Variants in VPS13B observed in about 807,000 individuals in gnomAD.
VPS13B encodes the protein vacuolar protein sorting 13 homolog B.
In VPS13B, 285 loss-of-function variants were observed where a neutral mutation model predicts 426.4. The observed-to-expected ratio is 0.67, with a 90% CI of 0.61 to 0.74. The LOEUF (loss-of-function observed/expected upper bound fraction) is 0.74, where lower values mean the gene tolerates loss of function less well. Among genes scored for constraint, VPS13B ranks in the 30% least tolerant of loss-of-function variants. VPS13B has a pLI of 0.00. For missense variants in VPS13B, 4,537 were observed against 4,782.6 expected (o/e 0.95, Z 1.51); for synonymous variants, 1,676 against 1,676.4 (o/e 1.00, Z 0.01).
intron 36 of VPS13B, among the ~76,000 whole-genome samples, chr8:99,715,525 GTTTTTCAA>G (rs905689055): frequency 5.3e-5 from 8 of 152,188 alleles, no homozygotes; most frequent in African/African-American, 1.9e-4. Flanking sequence ...AGGGCCTGAG[GTTTTTCAA>G]TCTGGGTGCC....
chr8:99,814,268 C>G (rs746998556), intron 44 of VPS13B, among the ~76,000 whole-genome samples: 1 of 152,168 alleles, frequency 6.6e-6, no homozygotes, highest in Non-Finnish European at 1.5e-5. Context: ...TCAGTTAGGA[C>G]GCTTTCAGTT....
rs143564348 is a variant in VPS13B at position 99,171,074 on chromosome 8, T to C, written c.2333+911T>C. 4.9e-4 allele frequency among the ~76,000 whole-genome samples: 74 copies of C among 151,952 alleles called. 1 individual carries two copies. In the East Asian group the frequency reaches 9.1e-3, roughly 19 times the overall value. On this transcript the variant is annotated intron_variant, in intron 16 of 61. Coordinates refer to ENST00000357162, the MANE Select transcript of VPS13B (RefSeq NM_152564.5). ...GCTCATATTTTCAAGAAACTTTGCC[T>C]GCTGATACAGAAAATTTTTTTAAAA...
rs544048254 is a variant in VPS13B at position 99,162,304 on chromosome 8, C to T, written c.2208+5561C>T. On this transcript the variant is annotated intron_variant, in intron 15 of 61. Coordinates refer to ENST00000357162, the MANE Select transcript of VPS13B (RefSeq NM_152564.5). ...TATTACAGTAGTACAGTAGAGGATT[C>T]GTGTGTTTGGCATTTTAGTCCATAT... Among the ~76,000 whole-genome samples, 5 of 152,184 alleles carry T rather than the reference C, an allele frequency of 3.3e-5. 1 individual carries two copies. Among genetic ancestry groups the T allele is most frequent in the African/African-American group, 1.2e-4 (5 of 41,516 alleles).
chr8:99,198,843 TTCC>T (rs1209261859), intron 17 of VPS13B, among the ~76,000 whole-genome samples: 192 of 152,266 alleles, frequency 1.3e-3, no homozygotes, highest in Non-Finnish European at 2.1e-3. Context: ...CTTGTCTTTT[TTCC>T]CCCCGAGAAC....
chr8:99,298,239 A>G lies in VPS13B; in HGVS notation c.2824+22985A>G, dbSNP rs549542240. 7.2e-5 allele frequency among the ~76,000 whole-genome samples: 11 copies of G among 152,340 alleles called. No homozygotes were observed. The East Asian group carries it at 7.7e-4, about 11-fold the overall frequency. The stretch of plus-strand genomic sequence containing the variant: ...TGCGGTGGCTTGCGCCTGTAATCCC[A>G]GCACTTTGCGAGGCCGAGGTGGGTG... On this transcript the variant is annotated intron_variant, in intron 19 of 61. Transcript: ENST00000357162.
At chr8:99,873,286 C>T (rs1303391903) in intron 61 of VPS13B, 1 of 152,124 alleles carries the variant, frequency 6.6e-6, no homozygotes, top group Admixed American at 6.6e-5. Flanking sequence ...TGTGGAGAAT[C>T]ATCATAGCTG....
intron 3 of VPS13B, among the ~76,000 whole-genome samples, chr8:99,040,116 G>A (rs1402042166): frequency 2.6e-5 from 4 of 151,846 alleles, no homozygotes; most frequent in African/African-American, 9.7e-5. Context: ...AGACACTTAA[G>A]TACTTTTTTC....
In VPS13B at chr8:99,730,017, T is replaced by C. The variant is rs191624054; in HGVS notation, c.7050+8970T>C. 7.2e-4 allele frequency among the ~76,000 whole-genome samples: 109 copies of C among 152,360 alleles called. No individual in the cohort carries two copies. The Middle Eastern group carries it at 0.01, about 14-fold the overall frequency. ...GAGAGTTATTTGCAATTGAATATGA[T>C]TTGCCTCTTCCACACATAGCTTAAA... On this transcript the variant is annotated intron_variant, in intron 39 of 61. Transcript: ENST00000357162.
At chr8:99,503,728 C>T (rs550900074) in intron 27 of VPS13B, among the ~76,000 whole-genome samples, 1 of 152,300 alleles carries the variant, frequency 6.6e-6, no homozygotes, top group East Asian at 1.9e-4. Context: ...CATCTTTAGG[C>T]TCCACTCCTA....
chr8:99,191,886 G>C (rs1232479284), intron 16 of VPS13B, among the ~76,000 whole-genome samples: 1 of 152,132 alleles, frequency 6.6e-6, no homozygotes, highest in East Asian at 1.9e-4. Flanking sequence ...GGTCTCCATA[G>C]CAGCGGCCAG....
intron 19 of VPS13B, among the ~76,000 whole-genome samples, chr8:99,299,165 G>A (rs1411644094): frequency 2.7e-5 from 4 of 146,934 alleles, no homozygotes; most frequent in African/African-American, 5.1e-5. Flanking sequence ...GGGTTCAAGC[G>A]ATTCTCCTGC....
At chr8:99,015,305 C>T (rs1841554890) in intron 2 of VPS13B, among the ~76,000 whole-genome samples, 1 of 147,842 alleles carries the variant, frequency 6.8e-6, no homozygotes. Context: ...CAAGCTCCAT[C>T]TCCCGGGTTC....
intron 19 of VPS13B, among the ~76,000 whole-genome samples, chr8:99,355,792 C>G (rs545462195): frequency 3.9e-5 from 6 of 152,068 alleles, no homozygotes; most frequent in Admixed American, 3.9e-4. Context: ...CATTTGTGAC[C>G]ACTCAATATT....
chr8:99,568,175 G>A (rs1825277865), intron 31 of VPS13B, among the ~76,000 whole-genome samples: 2 of 152,024 alleles, frequency 1.3e-5, no homozygotes, highest in Non-Finnish European at 2.9e-5. Flanking sequence ...GAACGGTTTT[G>A]TAAGTCAGAG....
intron 19 of VPS13B, among the ~76,000 whole-genome samples, chr8:99,360,055 G>C (rs555593810): frequency 6.7e-6 from 1 of 149,846 alleles, no homozygotes; most frequent in Non-Finnish European, 1.5e-5. Context: ...TGCCCACCTC[G>C]GCCTCCCAAA....
rs1443868978 is a variant in VPS13B at position 99,511,463 on chromosome 8, A to G, written c.4584A>G (p.Val1528=). The part of the protein sequence containing the change: ...NLPLIYVNTS[V]IRIFIPKTEE... ...CTTTGATTTATGTCAACACAAGTGTAATCAGAATTTTTATTCCAAAAACAG... is the reference window on the plus strand; with the variant it reads ...CTTTGATTTATGTCAACACAAGTGTGATCAGAATTTTTATTCCAAAAACAG... The change falls in exon 29 of 62, where the codon GTA becomes GTG. Residue 1528 remains valine (V), a synonymous_variant. Coordinates refer to ENST00000357162, the MANE Select transcript of VPS13B (RefSeq NM_152564.5). 1.9e-6 allele frequency: 3 copies of G among 1,613,092 alleles called. No homozygotes were observed. The highest frequency in any genetic ancestry group is 2.5e-6 in the Non-Finnish European group (3 of 1,179,850).
chr8:99,703,103 AT>A (rs1377172993), intron 36 of VPS13B, among the ~76,000 whole-genome samples: 2 of 152,210 alleles, frequency 1.3e-5, no homozygotes, highest in African/African-American at 2.4e-5. Flanking sequence ...TTCCGAATAC[AT>A]TTAAATCTGT....
rs552188163 is a variant in VPS13B, at chr8:99,596,882, T to C, written c.5220+19249T>C. On this transcript the variant is annotated intron_variant, in intron 33 of 61. Transcript: ENST00000357162. The stretch of plus-strand genomic sequence containing the variant: ...CTATGAAAGTAGGTGACAACAGATA[T>C]TGGAGTACAACCAGCATCCGTAGCT... Among the ~76,000 whole-genome samples, 27 of 152,142 alleles carry C rather than the reference T, an allele frequency of 1.8e-4. 1 individual carries two copies. In the South Asian group the frequency reaches 3.3e-3, roughly 19 times the overall value.
At chr8:99,520,773 T>A (rs1040503740) in intron 29 of VPS13B, 126 bp from the exon 30 acceptor site, 5 of 702,560 alleles carry the variant, frequency 7.1e-6, no homozygotes, top group Admixed American at 5.2e-5. Flanking sequence ...TTTTTCATTT[T>A]ACTTTTTCTT....
Sources: allele counts gnomAD v4.1 joint callset (sites outside exome capture counted in the v4.1 genomes callset), GRCh38; gene constraint gnomAD v4.1.1; transcripts MANE v1.5; gene names NCBI Gene and HGNC (gene_info 2026-07-23, HGNC 2026-07-21).